The following FA2H variants were observed in gnomAD, a reference collection of about 807,000 sequenced individuals.
FA2H encodes fatty acid alpha-hydroxylase.
In FA2H, 22 loss-of-function variants were observed where a neutral mutation model predicts 44.9. The observed-to-expected ratio is 0.49, with a 90% confidence interval of 0.35 to 0.70. The LOEUF is 0.70. FA2H is among the 30% of genes least tolerant of loss of function. FA2H has a pLI of 0.01. For missense variants in FA2H, 501 were observed against 504.9 expected, an observed-to-expected ratio of 0.99 and a Z score of 0.07; for synonymous variants, 243 against 213.2, an observed-to-expected ratio of 1.14 and a Z score of -1.22.
At chr16:74,751,670 A>G in intron 1 of FA2H, among the ~76,000 whole-genome samples, 1 of 148,416 alleles carries the variant, frequency 6.7e-6, no homozygotes, top group African/African-American at 2.6e-5. Context: ...GCCATTTGCA[A>G]ATGACACACG....
chr16:74,714,802 T>G (rs1249051593), intron 6 of FA2H, among the ~76,000 whole-genome samples: 1 of 152,090 alleles, frequency 6.6e-6, no homozygotes, highest in Non-Finnish European at 1.5e-5. Flanking sequence ...AACATGTCAA[T>G]GTAAAAACTG....
At chr16:74,723,658 G>C (rs961412339) in intron 4 of FA2H, among the ~76,000 whole-genome samples, 3 of 152,164 alleles carry the variant, frequency 2.0e-5, no homozygotes, top group African/African-American at 7.2e-5. Context: ...TGGTTGGTGA[G>C]AGACCCTGCT....
At chr16:74,720,918 C>T (rs573977056) in intron 4 of FA2H, among the ~76,000 whole-genome samples, 1 of 152,234 alleles carries the variant, frequency 6.6e-6, no homozygotes, top group Non-Finnish European at 1.5e-5. Flanking sequence ...AACTCCATTC[C>T]TTTTTAAGAC....
intron 1 of FA2H, among the ~76,000 whole-genome samples, chr16:74,766,305 C>T (rs1330393480): frequency 1.4e-5 from 2 of 143,372 alleles, no homozygotes; most frequent in East Asian, 4.0e-4. Context: ...GACTCTGTCT[C>T]AATAAAAAAA....
chr16:74,754,398 G>T (rs528435862), intron 1 of FA2H, among the ~76,000 whole-genome samples: 1 of 151,680 alleles, frequency 6.6e-6, no homozygotes, highest in African/African-American at 2.4e-5. Context: ...TCCATCTCAA[G>T]AACAAAAAAC....
chr16:74,739,138 G>A (rs755041451), intron 2 of FA2H, among the ~76,000 whole-genome samples: 1 of 152,206 alleles, frequency 6.6e-6, no homozygotes, highest in Non-Finnish European at 1.5e-5. Context: ...ACCTCCTGGG[G>A]TAATAACTCT....
chr16:74,755,053 A>T lies in FA2H; in HGVS notation c.271-14938T>A, dbSNP rs557188643. 4.6e-5 allele frequency among the ~76,000 whole-genome samples: 7 copies of T among 152,288 alleles called. No homozygotes were observed. The East Asian group carries it at 1.4e-3, about 29-fold the overall frequency. On this transcript the variant is annotated intron_variant, in intron 1 of 6. Transcript: ENST00000219368. The stretch of plus-strand genomic sequence containing the variant: ...CAGCAGCCCCCCTAGAAGCCCGGAG[A>T]GGGGCTTGAAGTGGATTCTTCCTCG...
intron 2 of FA2H, among the ~76,000 whole-genome samples, chr16:74,738,550 G>A (rs1382639552): frequency 6.6e-6 from 1 of 152,164 alleles, no homozygotes; most frequent in African/African-American, 2.4e-5. Context: ...TCACCCTGAT[G>A]GCTGCCACAT....
At chr16:74,760,427 A>G (rs1399447921) in intron 1 of FA2H, among the ~76,000 whole-genome samples, 1 of 152,190 alleles carries the variant, frequency 6.6e-6, no homozygotes, top group Non-Finnish European at 1.5e-5. Flanking sequence ...AGCGCCTGTG[A>G]TGGCAGGTAA....
intron 4 of FA2H, among the ~76,000 whole-genome samples, chr16:74,722,767 C>T (rs560866160): frequency 5.3e-5 from 8 of 151,928 alleles, no homozygotes; most frequent in African/African-American, 1.4e-4. Context: ...AAAAATTAGC[C>T]GGTCATGGTG....
At chr16:74,757,841 A>C (rs562816055) in intron 1 of FA2H, among the ~76,000 whole-genome samples, 1 of 151,994 alleles carries the variant, frequency 6.6e-6, no homozygotes, top group African/African-American at 2.4e-5. Context: ...ACATGGCAAA[A>C]CCCTGTCTCT....
At chr16:74,723,616 C>T (rs559968818) in intron 4 of FA2H, among the ~76,000 whole-genome samples, 5 of 152,238 alleles carry the variant, frequency 3.3e-5, no homozygotes, top group Admixed American at 6.5e-5. Context: ...TTCAAGTGAC[C>T]CCTCTCCCAT....
intron 1 of FA2H, among the ~76,000 whole-genome samples, chr16:74,753,386 C>G (rs1597565611): frequency 1.3e-5 from 2 of 152,150 alleles, no homozygotes; most frequent in African/African-American, 4.8e-5. Flanking sequence ...GATGTGGCTT[C>G]TTTAATAACC....
At chr16:74,727,828 G>C (rs532415380) in intron 2 of FA2H, among the ~76,000 whole-genome samples, 1 of 152,352 alleles carries the variant, frequency 6.6e-6, no homozygotes, top group East Asian at 1.9e-4. Flanking sequence ...TGAGGTACAG[G>C]AGGTAATACA....
At chr16:74,745,545 C>T (rs539935354) in intron 1 of FA2H, among the ~76,000 whole-genome samples, 50 of 152,312 alleles carry the variant, frequency 3.3e-4, no homozygotes, top group African/African-American at 9.9e-4. Context: ...GCCAAGGAGA[C>T]GGGGTCAGCA....
intron 1 of FA2H, among the ~76,000 whole-genome samples, chr16:74,754,989 T>C (rs530842097): frequency 2.0e-5 from 3 of 152,088 alleles, no homozygotes; most frequent in East Asian, 3.9e-4. Flanking sequence ...GAGGCAGAGA[T>C]GGAAGCGATA....
intron 2 of FA2H, 38 bp downstream of exon 2, chr16:74,739,985 C>T: frequency 4.1e-6 from 6 of 1,473,300 alleles, no homozygotes; most frequent in Non-Finnish European, 4.8e-6. Flanking sequence ...TTCCCGCCAG[C>T]CCCCAGTCAT....
chr16:74,713,650 G>C lies in FA2H; in HGVS notation c.*540C>G, dbSNP rs576582696. On this transcript the variant is annotated 3_prime_UTR_variant, in exon 7 of 7. Transcript: ENST00000219368. Reference sequence around the variant, plus strand: ...CAGAGGGGCTGCCCCAGGGTCTGGGGTGGACTGTGGGAGGCATCACGCTGT... The same window carrying C: ...CAGAGGGGCTGCCCCAGGGTCTGGGCTGGACTGTGGGAGGCATCACGCTGT... The C allele has an allele frequency of 5.8e-5, 9 of 154,598 alleles. No individual in the cohort carries two copies. The highest frequency in any genetic ancestry group is 5.7e-4 in the Admixed American group (9 of 15,790). 9.6% of individuals were successfully genotyped at this position (154,598 alleles called of 1,614,324 possible).
intron 5 of FA2H, chr16:74,716,900 T>C: frequency 2.4e-6 from 1 of 419,126 alleles, no homozygotes; most frequent in Non-Finnish European, 4.4e-6. Flanking sequence ...GAGCCCATCT[T>C]ATAGAGGCCA....
Sources: gnomAD v4.1 joint callset for allele counts (sites outside exome capture counted in the v4.1 genomes callset) on GRCh38, gnomAD v4.1.1 for gene constraint, MANE v1.5 for transcripts, NCBI Gene and HGNC (gene_info 2026-07-23, HGNC 2026-07-21) for gene names.